Variants in LCT observed in about 807,000 individuals in gnomAD.
LCT encodes the protein lactase.
LCT carries 90 observed loss-of-function variants against 173.0 expected under a neutral mutation model. The ratio of observed to expected loss-of-function variants is 0.52; its 90% CI spans 0.44 to 0.62. The LOEUF (loss-of-function observed/expected upper bound fraction) is 0.62. Among genes scored for constraint, LCT ranks in the 20% least tolerant of loss-of-function variants. LCT has a pLI of 0.00. For missense variants in LCT, 1,864 were observed against 2,431.4 expected (o/e 0.77, Z 4.91); for synonymous variants, 853 against 957.6 (o/e 0.89, Z 2.02).
Position 135,807,544 on chromosome 2 carries a change from T to C in LCT, c.3905-148A>G, listed in dbSNP as rs548732031. On this transcript the variant is annotated intron_variant, in intron 8 of 16. Transcript: ENST00000264162. ...GAGACCAACAGATCATCTGTTGATC[T>C]TACTTTTCTGCCAGTACCTATGACC... is the stretch of plus-strand genomic sequence containing the variant. 27 of 752,498 alleles carry C rather than the reference T, an allele frequency of 3.6e-5. No individual in the cohort carries two copies. The African/African-American group carries it at 4.6e-4, about 13-fold the overall frequency. 46.6% of individuals were successfully genotyped at this position (752,498 alleles called of 1,614,324 possible). A position where few individuals can be genotyped will look rare whatever the true frequency, so the allele number is the denominator to read the frequency against.
intron 11 of LCT, among the ~76,000 whole-genome samples, chr2:135,803,461 C>T (rs2077643835): frequency 6.6e-6 from 1 of 152,220 alleles, no homozygotes; most frequent in African/African-American, 2.4e-5. Context: ...ACACTGATAT[C>T]TCTGCAGCAG....
intron 4 of LCT, 26 bp downstream of exon 4, chr2:135,823,875 A>G: frequency 6.7e-7 from 1 of 1,492,862 alleles, no homozygotes; most frequent in Non-Finnish European, 9.3e-7. Context: ...TGTCACTCAA[A>G]ACCTCTTCAG....
At chr2:135,803,809 A>G (rs1176130993) in intron 11 of LCT, 121 bp downstream of exon 11, 2 of 840,474 alleles carry the variant, frequency 2.4e-6, no homozygotes, top group Non-Finnish European at 3.9e-6. Flanking sequence ...CCTGAGCAAG[A>G]GGCAGGGTTT....
In LCT at chr2:135,809,581, C is replaced by A; in HGVS notation, c.2766G>T (p.Trp922Cys). The change falls in exon 8 of 17, where the codon TGG becomes TGT. Residue 922 changes from tryptophan to cysteine, a missense_variant. Physicochemically the swap from Trp to Cys is radical, Grantham distance 215. This residue lies in a region of LCT where 755 missense variants were observed against 926.3 expected (regional missense o/e 0.82). Coordinates refer to ENST00000264162, the MANE Select transcript of LCT (RefSeq NM_002299.4). The surrounding 1 kb of genome is among the most constrained non-coding windows in gnomAD (Gnocchi z 5.5). ...TGCTGGGGCCTTTGCCATCGGCATC[C>A]CACGCGCCTTCAATCTGATAAGCGG... is the stretch of plus-strand genomic sequence containing the variant. ...SSSAYQIEGA[W>C]DADGKGPSIW... 6.2e-7 allele frequency: 1 copy of A among 1,614,228 alleles called. No homozygotes were observed. The highest frequency in any genetic ancestry group is 8.5e-7 in the Non-Finnish European group (1 of 1,180,048).
chr2:135,804,800 G>A lies in LCT; in HGVS notation c.4431C>T (p.Ile1477=), dbSNP rs745347875. ...GGATGCTGGCGGCCAGCAGTGTATC[G>A]ATGAGCCTCACGTAGTAGTTCAGGC... The part of the protein sequence containing the change: ...EAGLNYYVRL[I]DTLLAASIQP... The change falls in exon 10 of 17, where the codon ATC becomes ATT. Residue 1477 remains isoleucine (I), a synonymous_variant. Coordinates refer to ENST00000264162, the MANE Select transcript of LCT (RefSeq NM_002299.4). 11 of 1,613,098 alleles carry A rather than the reference G, an allele frequency of 6.8e-6. No homozygotes were observed. Among genetic ancestry groups the A allele is most frequent in the South Asian group, 3.3e-5 (3 of 91,018 alleles).
At position 135,794,783 on chromosome 2, in the gene LCT, G is replaced by A. The variant is rs1224000744; in HGVS notation, c.4977-8C>T. 1 of 1,614,160 alleles carries A rather than the reference G, an allele frequency of 6.2e-7. No homozygotes were observed. Among genetic ancestry groups the A allele is most frequent in the Admixed American group, 1.7e-5 (1 of 60,026 alleles). ...TCTGTAAATTCTGGCAGCCTGGGTGGAAGAAGCCATTGAGGGCAGGGCTTC... is the reference window on the plus strand; with the variant it reads ...TCTGTAAATTCTGGCAGCCTGGGTGAAAGAAGCCATTGAGGGCAGGGCTTC... On this transcript the variant is annotated splice_polypyrimidine_tract_variant and splice_region_variant and intron_variant, in intron 13 of 16. Transcript: ENST00000264162.
intron 9 of LCT, among the ~76,000 whole-genome samples, chr2:135,806,098 G>T (rs975466774): frequency 1.3e-5 from 2 of 152,126 alleles, no homozygotes; most frequent in African/African-American, 4.8e-5. Context: ...TGATCCTCCT[G>T]CCTCAGCCTC....
intron 13 of LCT, among the ~76,000 whole-genome samples, chr2:135,795,698 AATTTCTCAGTTCTC>A (rs1269603633): frequency 1.3e-5 from 2 of 151,588 alleles, no homozygotes; most frequent in Non-Finnish European, 2.9e-5. Context: ...TTTGAGTTTG[AATTTCTCAGTTCTC>A]ACGATTTCAC....
chr2:135,810,887 C>T (rs965625636), intron 7 of LCT, among the ~76,000 whole-genome samples: 5 of 151,880 alleles, frequency 3.3e-5, no homozygotes, highest in Admixed American at 2.6e-4. Flanking sequence ...ATTAGCCGGG[C>T]GTGGTGACGG....
In LCT at chr2:135,818,005, T is replaced by C. The variant is rs1020008967; in HGVS notation, c.1043A>G (p.His348Arg). 1.2e-6 allele frequency: 2 copies of C among 1,613,408 alleles called. No homozygotes were observed. The highest frequency in any genetic ancestry group is 3.3e-5 in the Admixed American group (2 of 60,026). ...GGCAGGAGAGGAGTCCGTGGTCTCG[T>C]GGTCCTGCTGCTGGTCAGGCTGAAG... ...LALQPDQQQD[H>R]ETTDSSPASA... Residue 348 changes from histidine (H) to arginine (R), a missense_variant, in exon 6 of 17, where the codon CAC (histidine) becomes CGC (arginine). Coordinates refer to ENST00000264162, the MANE Select transcript of LCT (RefSeq NM_002299.4).
chr2:135,793,101 T>C (rs754518130), intron 14 of LCT, among the ~76,000 whole-genome samples: 1 of 152,230 alleles, frequency 6.6e-6, no homozygotes, highest in Non-Finnish European at 1.5e-5. Context: ...TGCAACATCC[T>C]GGCTAACCAG....
chr2:135,833,214 C>T (rs1161874436), intron 1 of LCT, 24 bp from the exon 2 acceptor site: 8 of 1,586,798 alleles, frequency 5.0e-6, no homozygotes, highest in Non-Finnish European at 6.9e-6. Flanking sequence ...GAGACACGAA[C>T]AGCAGGTGAG....
At chr2:135,831,654 G>A (rs892102512) in intron 2 of LCT, among the ~76,000 whole-genome samples, 1 of 152,188 alleles carries the variant, frequency 6.6e-6, no homozygotes, top group Non-Finnish European at 1.5e-5. Context: ...CATTCTGGCC[G>A]TGCAATCAGC....
chr2:135,831,971 C>A (rs867798351), intron 2 of LCT, among the ~76,000 whole-genome samples: 1 of 152,140 alleles, frequency 6.6e-6, no homozygotes, highest in Non-Finnish European at 1.5e-5. Flanking sequence ...AATTCCAGCA[C>A]TTTGGGAGGC....
intron 13 of LCT, among the ~76,000 whole-genome samples, chr2:135,795,040 C>CGT (rs1322733645): frequency 1.3e-5 from 2 of 151,038 alleles, no homozygotes; most frequent in African/African-American, 2.4e-5. Context: ...CCCACGCGCG[C>CGT]GCGCGCACAC....
intron 9 of LCT, 33 bp from the exon 10 acceptor site, chr2:135,805,090 A>T: frequency 6.2e-7 from 1 of 1,607,370 alleles, no homozygotes; most frequent in East Asian, 2.2e-5. Flanking sequence ...TTATTAAGTC[A>T]TTCAGTCAAG....
rs1388278126 is a variant in LCT at position 135,812,378 on chromosome 2, A to C, written c.2286T>G (p.Ser762Arg). 1 of 1,613,680 alleles carries C rather than the reference A, an allele frequency of 6.2e-7. No individual in the cohort carries two copies. The highest frequency in any genetic ancestry group is 1.3e-5 in the African/African-American group (1 of 74,926). The change falls in exon 7 of 17, where the codon AGT becomes AGG. Residue 762 changes from serine to arginine, a missense_variant. Around this residue, in one of 4 missense-constraint regions of LCT, gnomAD observed 755 missense variants for 926.3 expected, o/e 0.82. Transcript: ENST00000264162. ...TTAAGGAATCATCAAAGAGATTTTC[A>C]CTTTCCCCTATGGGCATGCCATTCC... ...LAGNGMPIGESENLFDDSLRV... is the reference protein window; with the variant it reads ...LAGNGMPIGERENLFDDSLRV...
At chr2:135,833,497 A>C (rs1431384345) in intron 1 of LCT, among the ~76,000 whole-genome samples, 1 of 134,786 alleles carries the variant, frequency 7.4e-6, no homozygotes, top group African/African-American at 2.7e-5. Context: ...CCCAGGCTGG[A>C]GTGCAGTCGT....
chr2:135,809,912 C>T lies in LCT; in HGVS notation c.2435G>A (p.Ser812Asn). 1 of 1,614,182 alleles carries T rather than the reference C, an allele frequency of 6.2e-7. No homozygotes were observed. Among genetic ancestry groups the T allele is most frequent in the Non-Finnish European group, 8.5e-7 (1 of 1,180,026 alleles). The change falls in exon 8 of 17, where the codon AGC becomes AAC. Residue 812 changes from serine to asparagine, a missense_variant. Transcript: ENST00000264162. The surrounding 1 kb of genome is among the most constrained non-coding windows in gnomAD (Gnocchi z 5.5). ...GACGTGGTGCAGGCCAAACCGCTGG[C>T]TGTAACCAGAAGGGCCTTCGAAGCC... is the stretch of plus-strand genomic sequence containing the variant. ...IDGFEGPSGY[S>N]QRFGLHHVNF...
Sources: allele counts gnomAD v4.1 joint callset (sites outside exome capture counted in the v4.1 genomes callset), GRCh38; gene constraint gnomAD v4.1.1; regional missense constraint gnomAD v4.1.1; non-coding constraint Gnocchi (gnomAD v3.1); transcripts MANE v1.5; gene names NCBI Gene and HGNC (gene_info 2026-07-23, HGNC 2026-07-21).